The following EIF2AK4 variants were observed in gnomAD, a reference collection of about 807,000 sequenced individuals.
EIF2AK4 encodes eIF-2-alpha kinase GCN2.
A neutral mutation model predicts 211.1 loss-of-function variants in EIF2AK4; 139 were observed. The ratio of observed to expected loss-of-function variants is 0.66; its 90% CI spans 0.57 to 0.76. The LOEUF is 0.76. Ranked by LOEUF, EIF2AK4 falls within the 30% of genes least tolerant of loss-of-function variation. EIF2AK4 has a pLI of 0.00. For synonymous variants in EIF2AK4, 710 were observed against 751.3 expected (o/e 0.94, Z 0.90); for missense variants, 1,664 against 2,043.8 (o/e 0.81, Z 3.58).
intron 18 of EIF2AK4, among the ~76,000 whole-genome samples, chr15:39,994,850 T>C (rs1566997975): frequency 6.6e-6 from 1 of 151,946 alleles, no homozygotes; most frequent in Non-Finnish European, 1.5e-5. Flanking sequence ...TTATTATTAT[T>C]ATTATTTTGA....
In EIF2AK4 at chr15:40,030,399, G is replaced by C. The variant is rs1390094218; in HGVS notation, c.4602G>C (p.Val1534=). ...ATGGAGCAACAGTGGTTCCCATTGT[G>C]AGTGTGCTAGCCCCGGAGAAGCTGT... The part of the protein sequence containing the change: ...EIHGATVVPI[V]SVLAPEKLSA... Residue 1534 remains valine, a synonymous_variant, in exon 35 of 39, where the codon GTG becomes GTC. Transcript: ENST00000263791. 2 of 1,614,020 alleles carry C rather than the reference G, an allele frequency of 1.2e-6. No individual in the cohort carries two copies. The highest frequency in any genetic ancestry group is 2.2e-5 in the East Asian group (1 of 44,896).
At chr15:40,010,354 G>A (rs1169803153) in intron 26 of EIF2AK4, among the ~76,000 whole-genome samples, 1 of 152,202 alleles carries the variant, frequency 6.6e-6, no homozygotes, top group Non-Finnish European at 1.5e-5. Context: ...TTCGAACTCT[G>A]GTGGGGCCTC....
At chr15:39,948,287 T>G (rs2034257227) in intron 3 of EIF2AK4, among the ~76,000 whole-genome samples, 1 of 152,224 alleles carries the variant, frequency 6.6e-6, no homozygotes, top group Non-Finnish European at 1.5e-5. Context: ...AAAATAAGAA[T>G]TTTAAAATTG....
intron 2 of EIF2AK4, among the ~76,000 whole-genome samples, chr15:39,940,989 T>G (rs569817817): frequency 2.0e-5 from 3 of 152,214 alleles, no homozygotes; most frequent in Non-Finnish European, 1.5e-5. Context: ...ACCAGTTTGT[T>G]GTAAAGGATA....
At chr15:40,015,243 G>A (rs970789816) in intron 27 of EIF2AK4, among the ~76,000 whole-genome samples, 7 of 152,030 alleles carry the variant, frequency 4.6e-5, no homozygotes, top group South Asian at 2.1e-4. Context: ...CAACTCTACC[G>A]GTACCAATTT....
At chr15:39,969,272 G>A (rs988211483) in intron 9 of EIF2AK4, among the ~76,000 whole-genome samples, 11 of 151,868 alleles carry the variant, frequency 7.2e-5, no homozygotes, top group African/African-American at 1.9e-4. Flanking sequence ...GAATGGGCTC[G>A]GTAGGTAAAA....
Position 39,976,946 on chromosome 15 carries a change from T to C in EIF2AK4, c.2249+102T>C, listed in dbSNP as rs534961478. The C allele has an allele frequency of 8.0e-4, 1,058 of 1,318,932 alleles. 7 individuals are homozygous for C. The African/African-American group carries it at 0.011, about 13-fold the overall frequency. The allele number at this position is 1,318,932 out of a possible 1,614,324, so 81.7% of individuals were successfully genotyped here. ...TTCATTTCCTTCCTTCCTTCTTTCCTTCTTTTCTTTCTTTCCTTTTTTGAG... is the reference window on the plus strand; with the variant it reads ...TTCATTTCCTTCCTTCCTTCTTTCCCTCTTTTCTTTCTTTCCTTTTTTGAG... On this transcript the variant is annotated intron_variant, in intron 12 of 38. Coordinates refer to ENST00000263791, the MANE Select transcript of EIF2AK4 (RefSeq NM_001013703.4).
chr15:40,000,504 C>G (rs1169401821), intron 20 of EIF2AK4, among the ~76,000 whole-genome samples: 1 of 152,020 alleles, frequency 6.6e-6, no homozygotes, highest in Non-Finnish European at 1.5e-5. Context: ...TAACATAAAT[C>G]AAGAGAATTC....
chr15:39,948,746 G>C (rs1323045054), intron 3 of EIF2AK4, among the ~76,000 whole-genome samples: 1 of 152,090 alleles, frequency 6.6e-6, no homozygotes, highest in Non-Finnish European at 1.5e-5. Flanking sequence ...TTTCTAGTTG[G>C]GAAGATAGCT....
At chr15:39,936,236 GA>G (rs1186359180) in intron 1 of EIF2AK4, among the ~76,000 whole-genome samples, 1 of 152,168 alleles carries the variant, frequency 6.6e-6, no homozygotes, top group African/African-American at 2.4e-5. Context: ...GCAGGCAGAA[GA>G]ATTTAAATAG....
chr15:39,942,748 A>T (rs2140898080), intron 2 of EIF2AK4, among the ~76,000 whole-genome samples: 1 of 152,306 alleles, frequency 6.6e-6, no homozygotes, highest in South Asian at 2.1e-4. Context: ...ATGTATTTAT[A>T]CACAAGAAGT....
In EIF2AK4 at chr15:40,008,128, G is replaced by C. The variant is rs571573098; in HGVS notation, c.3509G>C (p.Ser1170Thr). 1 of 1,612,234 alleles carries C rather than the reference G, an allele frequency of 6.2e-7. No homozygotes were observed. Among genetic ancestry groups the C allele is most frequent in the African/African-American group, 1.3e-5 (1 of 74,870 alleles). ...GATATTGTCACTTCTACCACCAACA[G>C]CTTTCTGCCCACTGCTGAAATTATC... ...AFDIVTSTTNSFLPTAEIIYT... is the reference protein window; with the variant it reads ...AFDIVTSTTNTFLPTAEIIYT... The change falls in exon 25 of 39, where the codon AGC (serine) becomes ACC (threonine). Residue 1170 changes from serine (S) to threonine (T), a missense_variant. Ser to Thr is a moderately conservative substitution (Grantham distance 58, BLOSUM62 1). This residue lies in a region of EIF2AK4 where 622 missense variants were observed against 796.8 expected (regional missense o/e 0.78). Transcript: ENST00000263791.
chr15:40,010,371 C>T (rs149393055), intron 26 of EIF2AK4, among the ~76,000 whole-genome samples: 2 of 152,276 alleles, frequency 1.3e-5, no homozygotes, highest in African/African-American at 2.4e-5. Context: ...CCTCATTTAC[C>T]ACCTCCTTCC....
Position 40,017,501 on chromosome 15 carries a change from CTATATA to C in EIF2AK4, c.4065+307_4065+312del, listed in dbSNP as rs202237104. On this transcript the variant is annotated intron_variant, in intron 29 of 38. Coordinates refer to ENST00000263791, the MANE Select transcript of EIF2AK4 (RefSeq NM_001013703.4). The stretch of plus-strand genomic sequence containing the variant: ...GGCTCATGTACCCTTTACTCTGTTT[CTATATA>C]TATATATATATATATATATATATAT... Among the ~76,000 whole-genome samples, 182 of 26,004 alleles carry C rather than the reference CTATATA, an allele frequency of 7.0e-3. 1 individual carries two copies. Among genetic ancestry groups the C allele is most frequent in the African/African-American group, 0.017 (108 of 6,284 alleles). The allele number at this position is 26,004 out of a possible 152,430, so 17.1% of individuals were successfully genotyped here.
At chr15:40,010,101 T>G (rs2035215651) in intron 26 of EIF2AK4, among the ~76,000 whole-genome samples, 2 of 152,220 alleles carry the variant, frequency 1.3e-5, no homozygotes, top group Admixed American at 1.3e-4. Flanking sequence ...CAATAATAAT[T>G]TCAAAGATAG....
intron 23 of EIF2AK4, among the ~76,000 whole-genome samples, chr15:40,004,898 T>C (rs73388590): frequency 6.6e-6 from 1 of 152,162 alleles, no homozygotes; most frequent in South Asian, 2.1e-4. Flanking sequence ...TTTTTATATA[T>C]GTATAAGATG....
intron 11 of EIF2AK4, chr15:39,975,533 C>T (rs528258717): frequency 3.3e-5 from 5 of 152,338 alleles, no homozygotes; most frequent in East Asian, 1.9e-4. Context: ...TTGACCTGCA[C>T]GGATGTGACT....
intron 32 of EIF2AK4, 151 bp from the exon 33 acceptor site, chr15:40,025,826 A>C (rs1411832715): frequency 1.5e-6 from 1 of 652,814 alleles, no homozygotes; most frequent in Non-Finnish European, 2.6e-6. Flanking sequence ...ATGTCACCAG[A>C]CATTGCTAAA....
At chr15:39,942,594 C>T (rs184421469) in intron 2 of EIF2AK4, among the ~76,000 whole-genome samples, 56 of 152,206 alleles carry the variant, frequency 3.7e-4, no homozygotes, top group African/African-American at 1.3e-3. Context: ...TAAATAACTC[C>T]TATTTAATCT....
Sources: gnomAD v4.1 joint callset for allele counts (sites outside exome capture counted in the v4.1 genomes callset) on GRCh38, gnomAD v4.1.1 for gene constraint, gnomAD v4.1.1 regional missense constraint, MANE v1.5 for transcripts, NCBI Gene and HGNC (gene_info 2026-07-23, HGNC 2026-07-21) for gene names.